TMEM232: variants seen among roughly 807,000 people sequenced by gnomAD.
TMEM232 encodes the protein transmembrane protein 232.
Under a neutral mutation model 78.8 loss-of-function variants are expected in TMEM232, and 80 were observed. The ratio of observed to expected loss-of-function variants is 1.01; its 90% CI spans 0.85 to 1.22. The LOEUF is 1.22. Ranked by LOEUF, TMEM232 falls within the 50% of genes most tolerant of loss-of-function variation. The probability of loss-of-function intolerance (pLI) is 0.00; values close to 1 mark genes in which losing one functional copy is unlikely to be tolerated. For synonymous variants in TMEM232, 297 were observed against 254.3 expected (o/e 1.17, Z -1.60); for missense variants, 881 against 742.2 (o/e 1.19, Z -2.17).
At chr5:110,495,932 C>T (rs1432593826) in intron 12 of TMEM232, among the ~76,000 whole-genome samples, 1 of 151,376 alleles carries the variant, frequency 6.6e-6, no homozygotes, top group Non-Finnish European at 1.5e-5. Flanking sequence ...ACCATTCATA[C>T]TGACAAAGAA....
chr5:110,618,180 G>A (rs1267373591), intron 8 of TMEM232, among the ~76,000 whole-genome samples: 1 of 150,362 alleles, frequency 6.7e-6, no homozygotes, highest in Non-Finnish European at 1.5e-5. Context: ...ATAAAAAACT[G>A]CATTTAATAA....
Position 110,486,715 on chromosome 5 carries a change from T to C in TMEM232, c.1703+41873A>G, listed in dbSNP as rs567832447. Among the ~76,000 whole-genome samples, 4 of 152,350 alleles carry C rather than the reference T, an allele frequency of 2.6e-5. No homozygotes were observed. The South Asian group carries it at 8.3e-4, about 32-fold the overall frequency. ...CAGTGCCATGCTGTTAATGTGACTA[T>C]GGCCTTATAGTATAGTTTGAAATCA... is the stretch of plus-strand genomic sequence containing the variant. On this transcript the variant is annotated intron_variant, in intron 12 of 13. Transcript: ENST00000455884.
intron 12 of TMEM232, among the ~76,000 whole-genome samples, chr5:110,459,052 A>C (rs578240238): frequency 3.3e-5 from 5 of 152,272 alleles, no homozygotes; most frequent in African/African-American, 1.2e-4. Context: ...CTTTCAGGAG[A>C]TAAGACCATT....
At position 110,654,422 on chromosome 5, in the gene TMEM232, C is replaced by T. The variant is rs528618724; in HGVS notation, c.126-12051G>A. On this transcript the variant is annotated intron_variant, in intron 2 of 13. Transcript: ENST00000455884. ...TAAATAGGGAATCCTTTCCCCATTG[C>T]TTGTTTTTCTCAGGTTTGTCAAAGA... Among the ~76,000 whole-genome samples the T allele has an allele frequency of 5.9e-5, 9 of 152,256 alleles. No homozygotes were observed. The South Asian group carries it at 1.9e-3, about 32-fold the overall frequency.
At position 110,625,391 on chromosome 5, in the gene TMEM232, AT is replaced by A. The variant is rs1420001015; in HGVS notation, c.643del (p.Ile215SerfsTer9). The A allele has an allele frequency of 1.9e-6, 3 of 1,545,526 alleles. No homozygotes were observed. The highest frequency in any genetic ancestry group is 2.7e-5 in the African/African-American group (2 of 72,902). On this transcript the variant is annotated frameshift_variant, in exon 7 of 14. Transcript: ENST00000455884. LOFTEE classifies it high-confidence loss of function. ...CAGGATGAATTGCACATTTGAAAAGATGTTTGGATACTTGTGATATGATGCT... is the reference window on the plus strand; with the variant it reads ...CAGGATGAATTGCACATTTGAAAAGAGTTTGGATACTTGTGATATGATGCT... Reference protein sequence around the residue: ...SGASYHKYPNIFSNVQFILKA... With the variant: ...SGASYHKYPNXFSNVQFILKA...
At chr5:110,450,370 C>A (rs1760135594) in intron 12 of TMEM232, among the ~76,000 whole-genome samples, 1 of 151,668 alleles carries the variant, frequency 6.6e-6, no homozygotes, top group Non-Finnish European at 1.5e-5. Flanking sequence ...TGTTTGTTTT[C>A]TTTTCTTTTC....
chr5:110,478,797 T>C (rs1482733713), intron 12 of TMEM232, among the ~76,000 whole-genome samples: 2 of 151,820 alleles, frequency 1.3e-5, no homozygotes, highest in African/African-American at 2.4e-5. Flanking sequence ...ACTGCTGTAA[T>C]TACATTTCAG....
chr5:110,428,190 T>C (rs985401843), intron 12 of TMEM232, among the ~76,000 whole-genome samples: 3 of 151,778 alleles, frequency 2.0e-5, no homozygotes, highest in African/African-American at 7.3e-5. Flanking sequence ...GTCCATGAGT[T>C]CAATTGTTTT....
At chr5:110,569,407 G>A (rs1029694814) in intron 10 of TMEM232, among the ~76,000 whole-genome samples, 1 of 151,772 alleles carries the variant, frequency 6.6e-6, no homozygotes, top group African/African-American at 2.4e-5. Context: ...GTAGATTTGG[G>A]AGAAATAAAT....
At chr5:110,423,861 C>T (rs753214952) in intron 13 of TMEM232, among the ~76,000 whole-genome samples, 3 of 151,438 alleles carry the variant, frequency 2.0e-5, no homozygotes, top group Non-Finnish European at 4.4e-5. Flanking sequence ...ATAATCTCTT[C>T]TAGATAATTT....
intron 11 of TMEM232, among the ~76,000 whole-genome samples, chr5:110,563,480 G>C (rs1304070144): frequency 6.6e-6 from 1 of 151,802 alleles, no homozygotes; most frequent in Non-Finnish European, 1.5e-5. Context: ...ATAGTTATAA[G>C]ACTAGAGAGT....
intron 3 of TMEM232, 44 bp downstream of exon 3, chr5:110,642,216 G>C: frequency 2.4e-6 from 3 of 1,237,486 alleles, no homozygotes; most frequent in Non-Finnish European, 3.4e-6. Context: ...GTACCAACTA[G>C]AAAGGAAGTT....
chr5:110,559,044 T>C (rs1775449371), intron 11 of TMEM232, among the ~76,000 whole-genome samples: 1 of 152,184 alleles, frequency 6.6e-6, no homozygotes, highest in Non-Finnish European at 1.5e-5. Flanking sequence ...ACCTTCTCAA[T>C]GGTCTAGTAA....
rs1469380562 is a variant in TMEM232 at position 110,411,521 on chromosome 5, G to A, written n.308+13302C>T. Among the ~76,000 whole-genome samples, 3 of 152,140 alleles carry A rather than the reference G, an allele frequency of 2.0e-5. No individual in the cohort carries two copies. The East Asian group carries it at 5.8e-4, about 29-fold the overall frequency. On this transcript the variant is annotated intron_variant and non_coding_transcript_variant, in intron 2 of 8. Coordinates refer to the TMEM232 transcript ENST00000507188. The stretch of plus-strand genomic sequence containing the variant: ...CCATTTAAGGATACAATTCAGTAGT[G>A]TCAAGTATATTTACATTGTTGAGCA...
intron 11 of TMEM232, among the ~76,000 whole-genome samples, chr5:110,551,899 T>A (rs1378557793): frequency 6.6e-6 from 1 of 152,064 alleles, no homozygotes; most frequent in Non-Finnish European, 1.5e-5. Flanking sequence ...TAAGTATGCA[T>A]ATAGAAATAA....
At chr5:110,533,131 CCT>C (rs903545050) in intron 11 of TMEM232, among the ~76,000 whole-genome samples, 2 of 152,176 alleles carry the variant, frequency 1.3e-5, no homozygotes, top group African/African-American at 2.4e-5. Flanking sequence ...CTCGTCCCAG[CCT>C]CTCTTTGCTT....
At chr5:110,718,353 C>T (rs145902419) in intron 1 of TMEM232, among the ~76,000 whole-genome samples, 1,848 of 151,880 alleles carry the variant, frequency 0.012, 44 homozygotes, top group African/African-American at 0.042. Context: ...CATCTTAAGG[C>T]GAAAATATTA....
rs957831886 is a variant in TMEM232, at chr5:110,630,172, T to C, written c.502-2292A>G. ...AAAGTACTTATAGAGCATGCTTATT[T>C]CCAACAGATAGTTATATTAGCTAGA... is the stretch of plus-strand genomic sequence containing the variant. On this transcript the variant is annotated intron_variant, in intron 5 of 13. Coordinates refer to ENST00000455884, the MANE Select transcript of TMEM232 (RefSeq NM_001039763.4). 6.6e-5 allele frequency among the ~76,000 whole-genome samples: 10 copies of C among 152,302 alleles called. No homozygotes were observed. The South Asian group carries it at 1.9e-3, about 28-fold the overall frequency.
At chr5:110,650,908 G>T (rs1262733908) in intron 2 of TMEM232, among the ~76,000 whole-genome samples, 1 of 152,068 alleles carries the variant, frequency 6.6e-6, no homozygotes, top group African/African-American at 2.4e-5. Flanking sequence ...TGAGTGCAGG[G>T]TATAGGGAAA....
Sources: allele counts gnomAD v4.1 joint callset (sites outside exome capture counted in the v4.1 genomes callset), GRCh38; gene constraint gnomAD v4.1.1; transcripts MANE v1.5; gene names NCBI Gene and HGNC (gene_info 2026-07-23, HGNC 2026-07-21).